Variants in TMEM182 observed in about 807,000 individuals in gnomAD.
TMEM182 encodes transmembrane protein 182.
In TMEM182, 20 loss-of-function variants were observed where a neutral mutation model predicts 26.8. The observed-to-expected ratio is 0.75, with a 90% CI of 0.53 to 1.09. TMEM182 has a LOEUF of 1.09. Among genes scored for constraint, TMEM182 ranks in the 50% least tolerant of loss-of-function variants. The probability of loss-of-function intolerance (pLI) is 0.00; values close to 1 mark genes in which losing one functional copy is unlikely to be tolerated. For missense variants in TMEM182, 277 were observed against 275.5 expected, an observed-to-expected ratio of 1.01 and a Z score of -0.04; for synonymous variants, 109 against 102.2, an observed-to-expected ratio of 1.07 and a Z score of -0.40.
At chr2:102,809,663 A>G (rs2104749906) in intron 4 of TMEM182, among the ~76,000 whole-genome samples, 1 of 152,340 alleles carries the variant, frequency 6.6e-6, no homozygotes, top group African/African-American at 2.4e-5. Flanking sequence ...TGGACAAATA[A>G]GTGACAGCAA....
chr2:102,778,259 A>G (rs1028983889), intron 3 of TMEM182, among the ~76,000 whole-genome samples: 7 of 151,788 alleles, frequency 4.6e-5, no homozygotes, highest in Admixed American at 1.3e-4. Flanking sequence ...TCAATATGTG[A>G]TGTTTTTAGT....
intron 2 of TMEM182, among the ~76,000 whole-genome samples, chr2:102,763,777 G>A (rs899975542): frequency 6.6e-6 from 1 of 152,130 alleles, no homozygotes; most frequent in Non-Finnish European, 1.5e-5. Context: ...ACCTTAAAGT[G>A]TACATATAAA....
intron 4 of TMEM182, among the ~76,000 whole-genome samples, chr2:102,800,029 A>T (rs1682050475): frequency 6.6e-6 from 1 of 152,134 alleles, no homozygotes; most frequent in Non-Finnish European, 1.5e-5. Flanking sequence ...TAAAAAAAAA[A>T]ATCTCACTCT....
At chr2:102,839,195 A>AT (rs1032782253) in intron 3 of TMEM182, among the ~76,000 whole-genome samples, 9 of 151,904 alleles carry the variant, frequency 5.9e-5, no homozygotes, top group South Asian at 2.1e-4. Flanking sequence ...AATACCTGCC[A>AT]TTTTTTTCTG....
At chr2:102,741,565 G>T (rs930176699) in intron 1 of TMEM182, among the ~76,000 whole-genome samples, 2 of 152,024 alleles carry the variant, frequency 1.3e-5, no homozygotes, top group African/African-American at 2.4e-5. Flanking sequence ...TTGGTAACTC[G>T]AGTCTCCTCT....
intron 3 of TMEM182, among the ~76,000 whole-genome samples, chr2:102,825,147 G>A (rs892520043): frequency 3.9e-5 from 6 of 152,090 alleles, no homozygotes; most frequent in African/African-American, 1.4e-4. Flanking sequence ...AAAAACACAT[G>A]GTATCTAAGG....
chr2:102,823,524 G>A (rs189550132), intron 3 of TMEM182, among the ~76,000 whole-genome samples: 14 of 151,910 alleles, frequency 9.2e-5, no homozygotes, highest in Middle Eastern at 6.8e-3. Context: ...TAGTAGAGAC[G>A]GGGTTTCACT....
Position 102,816,852 on chromosome 2 carries a change from A to G in TMEM182, c.*1884A>G, listed in dbSNP as rs1682773660. On this transcript the variant is annotated 3_prime_UTR_variant, in exon 5 of 5. Transcript: ENST00000412401. ...ATGGAGCCTTTTTCTGGTGTACTGT[A>G]TGCCATTTAAGTTTCACATACAAGC... The G allele has an allele frequency of 1.0e-6, 1 of 985,830 alleles. No individual in the cohort carries two copies. Among genetic ancestry groups the G allele is most frequent in the South Asian group, 4.7e-5 (1 of 21,290 alleles). The allele number at this position is 985,830 out of a possible 1,614,324, so 61.1% of individuals were successfully genotyped here.
intron 3 of TMEM182, among the ~76,000 whole-genome samples, chr2:102,828,519 C>G (rs961804446): frequency 2.0e-5 from 3 of 152,178 alleles, no homozygotes; most frequent in African/African-American, 7.2e-5. Context: ...GAAAAATGTT[C>G]ATGGTTTTGA....
intron 4 of TMEM182, among the ~76,000 whole-genome samples, chr2:102,808,743 C>T (rs1682439375): frequency 6.6e-6 from 1 of 152,046 alleles, no homozygotes; most frequent in Non-Finnish European, 1.5e-5. Context: ...GAATAATGCT[C>T]AGCAATAAAA....
chr2:102,827,667 T>A (rs1683060834), intron 3 of TMEM182, among the ~76,000 whole-genome samples: 1 of 152,068 alleles, frequency 6.6e-6, no homozygotes, highest in South Asian at 2.1e-4. Flanking sequence ...GATTTGGAGG[T>A]GCGGTTGAGT....
In TMEM182 at chr2:102,762,109, C is replaced by CAAA; in HGVS notation, c.-106_-104dup. On this transcript the variant is annotated 5_prime_UTR_variant, in exon 1 of 5. Transcript: ENST00000412401. ...CCTTCTCAAGAAGATTCTGCCAACT[C>CAAA]AAAAATATTATTCTTTTTTTTTTTT... 9.7e-7 allele frequency: 1 copy of CAAA among 1,026,666 alleles called. No individual in the cohort carries two copies. 63.6% of individuals were successfully genotyped at this position (1,026,666 alleles called of 1,614,324 possible).
At chr2:102,795,312 G>A (rs983239845) in intron 3 of TMEM182, among the ~76,000 whole-genome samples, 1 of 152,036 alleles carries the variant, frequency 6.6e-6, no homozygotes, top group Non-Finnish European at 1.5e-5. Flanking sequence ...ATTATTGTTG[G>A]TATATCAAGT....
At chr2:102,830,756 C>A (rs927444749) in intron 3 of TMEM182, among the ~76,000 whole-genome samples, 3 of 152,132 alleles carry the variant, frequency 2.0e-5, no homozygotes, top group Admixed American at 1.3e-4. Context: ...TGATTATAGT[C>A]ACCCTATTGT....
chr2:102,800,920 T>C (rs1682100729), intron 4 of TMEM182, among the ~76,000 whole-genome samples: 1 of 152,144 alleles, frequency 6.6e-6, no homozygotes, highest in Non-Finnish European at 1.5e-5. Flanking sequence ...TGAAGAGTTA[T>C]GTTTGGCTGA....
chr2:102,772,712 T>G (rs1680731548), intron 3 of TMEM182, among the ~76,000 whole-genome samples: 1 of 152,156 alleles, frequency 6.6e-6, no homozygotes, highest in African/African-American at 2.4e-5. Context: ...CACAAACAGG[T>G]TTGTAAAAGG....
intron 3 of TMEM182, among the ~76,000 whole-genome samples, chr2:102,778,020 T>C (rs1266830277): frequency 6.6e-6 from 1 of 152,024 alleles, no homozygotes; most frequent in Non-Finnish European, 1.5e-5. Context: ...TTAGTTAGAT[T>C]CTGTTGGTTG....
chr2:102,841,700 A>T (rs1368029060), intron 3 of TMEM182, among the ~76,000 whole-genome samples: 1 of 152,212 alleles, frequency 6.6e-6, no homozygotes, highest in Admixed American at 6.5e-5. Context: ...AAAGGGATAG[A>T]TAGCTCCATT....
intron 3 of TMEM182, among the ~76,000 whole-genome samples, chr2:102,825,892 G>C (rs979796599): frequency 6.6e-6 from 1 of 152,160 alleles, no homozygotes; most frequent in African/African-American, 2.4e-5. Flanking sequence ...GAACTTCCAG[G>C]TGTTTAGTCT....
Sources: allele counts gnomAD v4.1 joint callset (sites outside exome capture counted in the v4.1 genomes callset), GRCh38; gene constraint gnomAD v4.1.1; transcripts MANE v1.5; gene names NCBI Gene and HGNC (gene_info 2026-07-23, HGNC 2026-07-21).